Variants in SLC71A2 observed in about 807,000 individuals in gnomAD.
SLC71A2 encodes hippocampus abundant transcript-like 1.
At chr9:94,442,930 A>G in the SLC71A2 span, among the ~76,000 whole-genome samples, 1 of 152,072 alleles carries the variant, frequency 6.6e-6, no homozygotes, top group Admixed American at 6.6e-5. Context: ...AACAAAAACA[A>G]GAAGGTAGGT....
chr9:94,403,383 C>T, the SLC71A2 span, among the ~76,000 whole-genome samples: 4 of 151,776 alleles, frequency 2.6e-5, no homozygotes, highest in Admixed American at 6.6e-5. Flanking sequence ...GGTGATCCAC[C>T]CACCTCGGCC....
chr9:94,424,709 T>A, the SLC71A2 span, among the ~76,000 whole-genome samples: 804 of 146,032 alleles, frequency 5.5e-3, 2 homozygotes, highest in African/African-American at 0.019. Context: ...TGTGGAAGAA[T>A]GGACATATTG....
At chr9:94,399,408 T>TA in the SLC71A2 span, among the ~76,000 whole-genome samples, 1 of 152,172 alleles carries the variant, frequency 6.6e-6, no homozygotes, top group Non-Finnish European at 1.5e-5. Context: ...TTTCAGCTGA[T>TA]AGAGTGTGAG....
chr9:94,387,585 T>C, the SLC71A2 span, among the ~76,000 whole-genome samples: 5 of 152,336 alleles, frequency 3.3e-5, no homozygotes, highest in African/African-American at 9.6e-5. Flanking sequence ...TGGAGATAAA[T>C]TGACTTGCTG....
chr9:94,383,036 T>C, the SLC71A2 span, among the ~76,000 whole-genome samples: 2 of 152,062 alleles, frequency 1.3e-5, no homozygotes, highest in African/African-American at 4.8e-5. Flanking sequence ...GATTTTACAA[T>C]TGGGTTTGTG....
the SLC71A2 span, chr9:94,415,273 G>A: frequency 6.4e-7 from 1 of 1,574,536 alleles, no homozygotes. Flanking sequence ...GCTGAACTGG[G>A]TTTGTGTTTT....
chr9:94,458,277 T>C, the SLC71A2 span: 4 of 1,573,186 alleles, frequency 2.5e-6, no homozygotes, highest in Non-Finnish European at 3.4e-6. Flanking sequence ...AATCTTGAGA[T>C]GCCTTTCTGA....
At chr9:94,420,853 C>T in the SLC71A2 span, among the ~76,000 whole-genome samples, 1 of 152,110 alleles carries the variant, frequency 6.6e-6, no homozygotes, top group Non-Finnish European at 1.5e-5. Flanking sequence ...GAGCCGAGAT[C>T]ATGCCATTGC....
the SLC71A2 span, among the ~76,000 whole-genome samples, chr9:94,396,442 G>A: frequency 6.6e-3 from 1,003 of 152,360 alleles, 9 homozygotes; most frequent in Non-Finnish European, 0.012. Flanking sequence ...TTGAACCCAG[G>A]AGGCGGAGGT....
chr9:94,448,035 G>A, the SLC71A2 span, among the ~76,000 whole-genome samples: 13 of 152,122 alleles, frequency 8.5e-5, no homozygotes, highest in African/African-American at 2.7e-4. Context: ...CCCACTGAAC[G>A]ACACCTTACT....
At chr9:94,397,606 G>A in the SLC71A2 span, among the ~76,000 whole-genome samples, 1 of 152,074 alleles carries the variant, frequency 6.6e-6, no homozygotes, top group African/African-American at 2.4e-5. Context: ...AGTATCTCAT[G>A]CTACTACATT....
At chr9:94,420,527 T>G in the SLC71A2 span, among the ~76,000 whole-genome samples, 1 of 152,242 alleles carries the variant, frequency 6.6e-6, no homozygotes, top group Non-Finnish European at 1.5e-5. Flanking sequence ...GTTAATCTTT[T>G]TATACTGTCA....
At chr9:94,452,459 T>C in the SLC71A2 span, among the ~76,000 whole-genome samples, 21 of 151,894 alleles carry the variant, frequency 1.4e-4, no homozygotes, top group Non-Finnish European at 2.5e-4. Flanking sequence ...CAGCTGGGTG[T>C]GGTGGCATGT....
chr9:94,429,561 G>A, the SLC71A2 span, among the ~76,000 whole-genome samples: 2 of 151,558 alleles, frequency 1.3e-5, no homozygotes, highest in African/African-American at 4.8e-5. Context: ...AGAATAAAGT[G>A]GGCAATTGCT....
chr9:94,382,214 A>T, the SLC71A2 span, among the ~76,000 whole-genome samples: 2 of 151,910 alleles, frequency 1.3e-5, no homozygotes, highest in East Asian at 3.9e-4. Flanking sequence ...TTTTATAGAG[A>T]TGGGGTCTTA....
At chr9:94,451,871 T>G in the SLC71A2 span, among the ~76,000 whole-genome samples, 11 of 152,226 alleles carry the variant, frequency 7.2e-5, no homozygotes, top group Non-Finnish European at 1.6e-4. Context: ...GCATCCACTC[T>G]TGTCTTCAGC....
chr9:94,410,797 A>T, the SLC71A2 span, among the ~76,000 whole-genome samples: 10 of 152,068 alleles, frequency 6.6e-5, no homozygotes, highest in African/African-American at 2.4e-4. Context: ...ATGGAGTCTC[A>T]CTCTTTCCCC....
At chr9:94,453,897 G>T in the SLC71A2 span, 1 of 1,126,252 alleles carries the variant, frequency 8.9e-7, no homozygotes, top group African/African-American at 1.5e-5. Context: ...CACACACAGA[G>T]CTTGTATTTT....
chr9:94,451,105 A>G, the SLC71A2 span, among the ~76,000 whole-genome samples: 9 of 152,194 alleles, frequency 5.9e-5, no homozygotes, highest in Admixed American at 3.9e-4. Flanking sequence ...CTAATGAGCA[A>G]TGCTGTATTG....
Sources: gnomAD v4.1 joint callset for allele counts (sites outside exome capture counted in the v4.1 genomes callset) on GRCh38, gnomAD v4.1.1 for gene constraint, MANE v1.5 for transcripts, NCBI Gene and HGNC (gene_info 2026-07-23, HGNC 2026-07-21) for gene names.